The following CNTNAP5 variants were observed in gnomAD, a reference collection of about 807,000 sequenced individuals.
The protein encoded by CNTNAP5 is contactin-associated protein-like 5.
CNTNAP5 carries 72 observed loss-of-function variants against 150.2 expected under a neutral mutation model. That is an observed-to-expected ratio of 0.48 (90% CI 0.40 to 0.58). The LOEUF is 0.58. CNTNAP5 is among the 20% of genes least tolerant of loss of function. The probability of loss-of-function intolerance (pLI) is 0.00; values close to 1 mark genes in which losing one functional copy is unlikely to be tolerated. For synonymous variants in CNTNAP5, 672 were observed against 619.8 expected (o/e 1.08, Z -1.25); for missense variants, 1,636 against 1,626.2 (o/e 1.01, Z -0.10).
chr2:124,611,895 TCA>T, intron 12 of CNTNAP5, among the ~76,000 whole-genome samples: 1 of 152,286 alleles, frequency 6.6e-6, no homozygotes, highest in African/African-American at 2.4e-5. Context: ...CTTTTCATCC[TCA>T]CAACAAAAAT....
intron 3 of CNTNAP5, among the ~76,000 whole-genome samples, chr2:124,307,538 G>A (rs1224571046): frequency 6.6e-6 from 1 of 152,156 alleles, no homozygotes; most frequent in Admixed American, 6.5e-5. Context: ...CTGGAGCACT[G>A]TATCCAGGAC....
At chr2:124,655,945 GAGAAAGAA>G (rs766640499) in intron 13 of CNTNAP5, among the ~76,000 whole-genome samples, 187 of 55,506 alleles carry the variant, frequency 3.4e-3, no homozygotes, top group East Asian at 0.029. Flanking sequence ...GAGAGAGAGA[GAGAAAGAA>G]AGAAAGAAAG....
chr2:124,109,009 A>G (rs1333409501), intron 1 of CNTNAP5, among the ~76,000 whole-genome samples: 1 of 152,080 alleles, frequency 6.6e-6, no homozygotes, highest in African/African-American at 2.4e-5. Flanking sequence ...GAGATAAATT[A>G]AGTAGGAGCA....
intron 21 of CNTNAP5, among the ~76,000 whole-genome samples, chr2:124,881,415 A>AGATTTTTC (rs1471294590): frequency 6.6e-6 from 1 of 152,066 alleles, no homozygotes; most frequent in Non-Finnish European, 1.5e-5. Flanking sequence ...AAATTACAGC[A>AGATTTTTC]GATTTTTCCA....
intron 11 of CNTNAP5, among the ~76,000 whole-genome samples, chr2:124,588,877 G>C (rs1480335494): frequency 6.6e-6 from 1 of 152,038 alleles, no homozygotes; most frequent in African/African-American, 2.4e-5. Context: ...AGAGCCAGAG[G>C]TCATCTGGCT....
At chr2:124,478,845 A>G (rs1693702787) in intron 7 of CNTNAP5, among the ~76,000 whole-genome samples, 1 of 152,194 alleles carries the variant, frequency 6.6e-6, no homozygotes, top group Non-Finnish European at 1.5e-5. Flanking sequence ...AGAGTACGGT[A>G]CTACTCATAA....
intron 3 of CNTNAP5, among the ~76,000 whole-genome samples, chr2:124,308,202 T>C (rs1468535229): frequency 6.6e-6 from 1 of 152,218 alleles, no homozygotes; most frequent in Non-Finnish European, 1.5e-5. Context: ...AGACTTTTTT[T>C]TTGTAAGAAA....
At chr2:124,156,917 A>T (rs550476342) in intron 1 of CNTNAP5, among the ~76,000 whole-genome samples, 1 of 152,324 alleles carries the variant, frequency 6.6e-6, no homozygotes, top group East Asian at 1.9e-4. Context: ...CCTCTGTAAA[A>T]TAAGGACCAT....
chr2:124,236,793 A>G (rs1439525207), intron 2 of CNTNAP5, among the ~76,000 whole-genome samples: 1 of 151,974 alleles, frequency 6.6e-6, no homozygotes, highest in Non-Finnish European at 1.5e-5. Flanking sequence ...GGTTTATTTT[A>G]GGCTTTAAAA....
At chr2:124,451,229 A>G (rs1379185763) in intron 6 of CNTNAP5, among the ~76,000 whole-genome samples, 1 of 151,040 alleles carries the variant, frequency 6.6e-6, no homozygotes, top group African/African-American at 2.4e-5. Context: ...TTCAATGAAA[A>G]TTCTTAGTCA....
intron 22 of CNTNAP5, among the ~76,000 whole-genome samples, chr2:124,907,063 G>A (rs951807362): frequency 6.6e-6 from 1 of 152,070 alleles, no homozygotes; most frequent in African/African-American, 2.4e-5. Context: ...TACAGTGTGA[G>A]CAATGCTAAA....
chr2:124,050,842 C>T (rs1455246091), intron 1 of CNTNAP5, among the ~76,000 whole-genome samples: 1 of 152,210 alleles, frequency 6.6e-6, no homozygotes, highest in African/African-American at 2.4e-5. Flanking sequence ...CTGCTCAGGG[C>T]ACTGGCAAGT....
At chr2:124,530,189 A>C (rs1695070851) in intron 10 of CNTNAP5, among the ~76,000 whole-genome samples, 1 of 152,148 alleles carries the variant, frequency 6.6e-6, no homozygotes, top group African/African-American at 2.4e-5. Context: ...ACATGTCTGT[A>C]ATCTCAGCTA....
At chr2:124,588,212 C>G (rs995431874) in intron 11 of CNTNAP5, among the ~76,000 whole-genome samples, 1 of 130,120 alleles carries the variant, frequency 7.7e-6, no homozygotes, top group South Asian at 2.4e-4. Context: ...TTCTTTCTTT[C>G]TTTCTTTCTT....
intron 14 of CNTNAP5, among the ~76,000 whole-genome samples, chr2:124,762,764 G>T (rs537827188): frequency 2.0e-5 from 3 of 152,072 alleles, no homozygotes; most frequent in Non-Finnish European, 4.4e-5. Flanking sequence ...CCAAGAATGT[G>T]GCATTGTCCC....
chr2:124,855,174 T>G (rs1279104165), intron 19 of CNTNAP5, among the ~76,000 whole-genome samples: 38 of 88,538 alleles, frequency 4.3e-4, no homozygotes, highest in African/African-American at 2.3e-3. Context: ...TTGCTTTTTT[T>G]TTTTTTTTTT....
Position 124,434,609 on chromosome 2 carries a change from T to C in CNTNAP5, c.655T>C (p.Phe219Leu). The C allele has an allele frequency of 1.9e-6, 3 of 1,613,880 alleles. No homozygotes were observed. The South Asian group carries it at 3.3e-5, about 18-fold the overall frequency. ...FKSMQGDGVL[F>L]HGEGQRGDHI... ...GAGCATGCAAGGAGATGGGGTCCTGTTCCATGGAGAAGGTCAGCGTGGAGA... is the reference window on the plus strand; with the variant it reads ...GAGCATGCAAGGAGATGGGGTCCTGCTCCATGGAGAAGGTCAGCGTGGAGA... The change falls in exon 5 of 24, where the codon TTC becomes CTC. Residue 219 changes from phenylalanine (F) to leucine (L), a missense_variant. By Grantham distance (22) the Phe-to-Leu change is conservative. Transcript: ENST00000682447.
intron 19 of CNTNAP5, among the ~76,000 whole-genome samples, chr2:124,852,662 G>A (rs980720349): frequency 3.3e-5 from 5 of 152,158 alleles, no homozygotes; most frequent in African/African-American, 1.2e-4. Context: ...ATGGATGGGT[G>A]TGGGAGAATG....
At chr2:124,405,355 C>A (rs1365215880) in intron 3 of CNTNAP5, among the ~76,000 whole-genome samples, 1 of 152,094 alleles carries the variant, frequency 6.6e-6, no homozygotes, top group African/African-American at 2.4e-5. Context: ...CTAATACATG[C>A]AAAGAGCCTA....
Sources: gnomAD v4.1 joint callset for allele counts (sites outside exome capture counted in the v4.1 genomes callset) on GRCh38, gnomAD v4.1.1 for gene constraint, MANE v1.5 for transcripts, NCBI Gene and HGNC (gene_info 2026-07-23, HGNC 2026-07-21) for gene names.